The following ZMYM4 variants were observed in gnomAD, a reference collection of about 807,000 sequenced individuals.
ZMYM4 encodes zinc finger MYM-type containing 4.
A neutral mutation model predicts 183.2 loss-of-function variants in ZMYM4; 31 were observed. The observed-to-expected ratio is 0.17, with a 90% CI of 0.13 to 0.23. The LOEUF is 0.23. Ranked by LOEUF, ZMYM4 falls within the 10% of genes least tolerant of loss-of-function variation. The pLI is 1.00. For synonymous variants in ZMYM4, 592 were observed against 631.2 expected (o/e 0.94, Z 0.93); for missense variants, 1,273 against 1,840.3 (o/e 0.69, Z 5.64).
At chr1:35,324,388 G>T (rs1235521979) in intron 1 of ZMYM4, among the ~76,000 whole-genome samples, 2 of 152,062 alleles carry the variant, frequency 1.3e-5, no homozygotes, top group Non-Finnish European at 2.9e-5. Context: ...TGAGCCACTG[G>T]GCCCAGCCAA....
intron 5 of ZMYM4, among the ~76,000 whole-genome samples, chr1:35,363,413 C>A (rs1438754248): frequency 6.6e-6 from 1 of 152,156 alleles, no homozygotes; most frequent in African/African-American, 2.4e-5. Context: ...CATTTGTGGC[C>A]TCTACCTACT....
intron 1 of ZMYM4, among the ~76,000 whole-genome samples, chr1:35,270,094 G>A (rs1639520663): frequency 6.6e-6 from 1 of 152,186 alleles, no homozygotes; most frequent in Non-Finnish European, 1.5e-5. Flanking sequence ...CTTACTGTGT[G>A]CCTGGCACTG....
chr1:35,326,803 A>G (rs1300738055), intron 2 of ZMYM4, among the ~76,000 whole-genome samples: 1 of 152,204 alleles, frequency 6.6e-6, no homozygotes, highest in Admixed American at 6.5e-5. Flanking sequence ...AAACTCATGC[A>G]GACATGGAAA....
chr1:35,407,472 C>CT (rs1236875206), intron 25 of ZMYM4, among the ~76,000 whole-genome samples: 1 of 151,092 alleles, frequency 6.6e-6, no homozygotes, highest in East Asian at 1.9e-4. Context: ...GAATAGCTTT[C>CT]TTTTTTGCAA....
intron 3 of ZMYM4, among the ~76,000 whole-genome samples, chr1:35,360,090 A>G (rs974267430): frequency 1.3e-5 from 2 of 151,724 alleles, no homozygotes; most frequent in African/African-American, 4.8e-5. Flanking sequence ...TTCTCTCTGT[A>G]TATTTGCTTG....
rs552298617 is a variant in ZMYM4, at chr1:35,370,713, T to G, written c.1181+86T>G. 8.0e-6 allele frequency: 9 copies of G among 1,126,616 alleles called. No individual in the cohort carries two copies. In the East Asian group the frequency reaches 2.7e-4, roughly 33 times the overall value. The allele number at this position is 1,126,616 out of a possible 1,614,324, so 69.8% of individuals were successfully genotyped here. On this transcript the variant is annotated intron_variant, in intron 7 of 29. Coordinates refer to ENST00000314607, the MANE Select transcript of ZMYM4 (RefSeq NM_005095.3). ...CTTAGGTCATGTATTACATTTGATA[T>G]TCTACATTTATTCCTTTTTTTTTTT...
chr1:35,396,973 A>T (rs1049882776), intron 19 of ZMYM4: 5 of 686,172 alleles, frequency 7.3e-6, no homozygotes, highest in Non-Finnish European at 7.4e-6. Flanking sequence ...CAAGGGTGAA[A>T]AGAGTACTGT....
At position 35,389,511 on chromosome 1, in the gene ZMYM4, T is replaced by TTGGGAGGCCGAGGCGGGTGGATCA. The variant is rs1379435007; in HGVS notation, c.2436+432_2437-411dup. On this transcript the variant is annotated intron_variant, in intron 14 of 29. Coordinates refer to ENST00000314607, the MANE Select transcript of ZMYM4 (RefSeq NM_005095.3). This position sits in a 1 kb window ranked among gnomAD's most constrained non-coding sequence, Gnocchi z 4.0. Reference sequence around the variant, plus strand: ...GGCTCACGCCTGTAATCCCAGCACTTTGGGAGGCCGAGGCGGGTGGATCAT... The same window carrying TTGGGAGGCCGAGGCGGGTGGATCA: ...GGCTCACGCCTGTAATCCCAGCACTTTGGGAGGCCGAGGCGGGTGGATCATGGGAGGCCGAGGCGGGTGGATCAT... Among the ~76,000 whole-genome samples the TTGGGAGGCCGAGGCGGGTGGATCA allele has an allele frequency of 1.2e-4, 18 of 152,016 alleles. No homozygotes were observed. Among genetic ancestry groups the TTGGGAGGCCGAGGCGGGTGGATCA allele is most frequent in the African/African-American group, 4.3e-4 (18 of 41,398 alleles).
At chr1:35,366,321 A>G (rs1644078628) in intron 5 of ZMYM4, among the ~76,000 whole-genome samples, 1 of 152,200 alleles carries the variant, frequency 6.6e-6, no homozygotes, top group Admixed American at 6.5e-5. Context: ...AGTAACAGTT[A>G]TTGAAGTTGA....
intron 1 of ZMYM4, among the ~76,000 whole-genome samples, chr1:35,311,284 T>C (rs943199788): frequency 6.6e-6 from 1 of 152,054 alleles, no homozygotes; most frequent in Non-Finnish European, 1.5e-5. Flanking sequence ...TAGCTAGGCA[T>C]GGTGGCATGC....
intron 1 of ZMYM4, among the ~76,000 whole-genome samples, chr1:35,271,050 T>A (rs1639572168): frequency 6.6e-6 from 1 of 152,220 alleles, no homozygotes; most frequent in Admixed American, 6.5e-5. Flanking sequence ...AATTTTAAAA[T>A]TTTCAAGTTG....
chr1:35,403,270 AT>A (rs1215549842), intron 23 of ZMYM4, among the ~76,000 whole-genome samples: 2 of 152,012 alleles, frequency 1.3e-5, no homozygotes, highest in Non-Finnish European at 2.9e-5. Context: ...GTTTGCTAAT[AT>A]TCTGCGAAGG....
chr1:35,318,062 T>G (rs1432032587), intron 1 of ZMYM4, among the ~76,000 whole-genome samples: 2 of 147,632 alleles, frequency 1.4e-5, no homozygotes, highest in African/African-American at 2.5e-5. Context: ...CAGTTTTTTT[T>G]TTTTTTTTTT....
chr1:35,324,104 G>T (rs1280131404), intron 1 of ZMYM4, among the ~76,000 whole-genome samples: 5 of 151,500 alleles, frequency 3.3e-5, no homozygotes, highest in African/African-American at 7.3e-5. Flanking sequence ...TATTTCTTTG[G>T]TATTTAGTGG....
chr1:35,364,581 T>C (rs1037734139), intron 5 of ZMYM4, among the ~76,000 whole-genome samples: 1 of 152,238 alleles, frequency 6.6e-6, no homozygotes, highest in Non-Finnish European at 1.5e-5. Flanking sequence ...AAGAGAACTC[T>C]AGTGTATTAT....
intron 2 of ZMYM4, among the ~76,000 whole-genome samples, chr1:35,358,380 T>G (rs1643875947): frequency 6.6e-6 from 1 of 152,162 alleles, no homozygotes; most frequent in Non-Finnish European, 1.5e-5. Flanking sequence ...TTTATTAGTG[T>G]TAGTGCAGAG....
chr1:35,355,069 T>C (rs1171432077), intron 2 of ZMYM4, among the ~76,000 whole-genome samples: 1 of 151,990 alleles, frequency 6.6e-6, no homozygotes, highest in East Asian at 1.9e-4. Context: ...AGAGTCTAAC[T>C]GTCGCCCAGG....
At chr1:35,349,938 A>G (rs757529713) in intron 2 of ZMYM4, among the ~76,000 whole-genome samples, 24 of 133,556 alleles carry the variant, frequency 1.8e-4, no homozygotes, top group African/African-American at 3.5e-4. Flanking sequence ...TTTAATTTAT[A>G]TAATTTAATT....
chr1:35,399,652 A>G, intron 23 of ZMYM4, 76 bp downstream of exon 23: 1 of 1,505,152 alleles, frequency 6.6e-7, no homozygotes, highest in East Asian at 2.3e-5. Flanking sequence ...GCTGCTTTCA[A>G]AACTCTGTAA....
Sources: gnomAD v4.1 joint callset for allele counts (sites outside exome capture counted in the v4.1 genomes callset) on GRCh38, gnomAD v4.1.1 for gene constraint, Gnocchi (gnomAD v3.1) non-coding constraint, MANE v1.5 for transcripts, NCBI Gene and HGNC (gene_info 2026-07-23, HGNC 2026-07-21) for gene names.